YWHAG: variants seen among roughly 807,000 people sequenced by gnomAD.
YWHAG encodes the protein 14-3-3 protein gamma.
In YWHAG, 1 loss-of-function variant was observed where a neutral mutation model predicts 23.3. That is an observed-to-expected ratio of 0.04 (90% CI 0.02 to 0.20). The LOEUF is 0.20. YWHAG is among the 10% of genes least tolerant of loss of function. The pLI, the probability that YWHAG is intolerant of heterozygous loss-of-function variation, is 1.00. For missense variants in YWHAG, 151 were observed against 338.6 expected, an observed-to-expected ratio of 0.45 and a Z score of 4.35; for synonymous variants, 160 against 144.0, an observed-to-expected ratio of 1.11 and a Z score of -0.80.
At chr7:76,348,272 T>G (rs1005225965) in intron 1 of YWHAG, among the ~76,000 whole-genome samples, 8 of 151,506 alleles carry the variant, frequency 5.3e-5, no homozygotes, top group Non-Finnish European at 1.0e-4. Flanking sequence ...TTCGTTTTTT[T>G]TTTTTTTTTT....
intron 1 of YWHAG, among the ~76,000 whole-genome samples, chr7:76,357,904 A>T (rs1285152449): frequency 6.6e-6 from 1 of 152,208 alleles, no homozygotes; most frequent in Non-Finnish European, 1.5e-5. Flanking sequence ...GAAACGGCAT[A>T]TGTCACACGA....
chr7:76,358,873 GGCGCGACTGGAGC>G lies in YWHAG; in HGVS notation c.-78_-66del. The G allele has an allele frequency of 6.8e-7, 1 of 1,471,138 alleles. No homozygotes were observed. The highest frequency in any genetic ancestry group is 9.2e-7 in the Non-Finnish European group (1 of 1,090,258). 91.1% of individuals were successfully genotyped at this position (1,471,138 alleles called of 1,614,324 possible). A position where few individuals can be genotyped will look rare whatever the true frequency, so the allele number is the denominator to read the frequency against. ...CTGGGGCGGCCTGAAGGGCTTGGAG[GGCGCGACTGGAGC>G]CCAAGTGCCGGAGAGGACCGACCCA... is the stretch of plus-strand genomic sequence containing the variant. On this transcript the variant is annotated 5_prime_UTR_variant, in exon 1 of 2. Transcript: ENST00000307630.
chr7:76,330,803 G>C (rs1261015508), intron 1 of YWHAG, among the ~76,000 whole-genome samples: 2 of 152,182 alleles, frequency 1.3e-5, no homozygotes, highest in Non-Finnish European at 2.9e-5. Context: ...ATTTGTGGCA[G>C]TGGGAGTGTC....
intron 1 of YWHAG, 29 bp downstream of exon 1, chr7:76,358,693 A>T (rs920372405): frequency 1.3e-6 from 2 of 1,539,000 alleles, no homozygotes. Context: ...AGGGGCAGGG[A>T]GCGGCGGGGG....
Position 76,358,954 on chromosome 7 carries a change from T to A in YWHAG, c.-146A>T. The A allele has an allele frequency of 2.9e-6, 2 of 678,540 alleles. No individual in the cohort carries two copies. The highest frequency in any genetic ancestry group is 4.4e-6 in the Non-Finnish European group (2 of 456,370). 42.0% of individuals were successfully genotyped at this position (678,540 alleles called of 1,614,324 possible). On this transcript the variant is annotated 5_prime_UTR_variant, in exon 1 of 2. Coordinates refer to ENST00000307630, the MANE Select transcript of YWHAG (RefSeq NM_012479.4). Reference sequence around the variant, plus strand: ...GCGGCGGCTGCGCGGAGGAGGCGGCTGGAGCTGCGACCGCGGGACCGGGCG... The same window carrying A: ...GCGGCGGCTGCGCGGAGGAGGCGGCAGGAGCTGCGACCGCGGGACCGGGCG...
Position 76,329,984 on chromosome 7 carries a change from T to C in YWHAG, c.337A>G (p.Ser113Gly). Residue 113 changes from serine (S) to glycine (G), a missense_variant, in exon 2 of 2, where the codon AGC becomes GGC. Transcript: ENST00000307630. The surrounding 1 kb of genome is among the most constrained non-coding windows in gnomAD (Gnocchi z 6.1). ...LLDNYLIKNC[S>G]ETQYESKVFY... Reference sequence around the variant, plus strand: ...ACTTTGCTCTCGTACTGGGTCTCGCTGCAATTCTTGATCAGGTAGTTATCC... The same window carrying C: ...ACTTTGCTCTCGTACTGGGTCTCGCCGCAATTCTTGATCAGGTAGTTATCC... 1.2e-6 allele frequency: 2 copies of C among 1,614,162 alleles called. No homozygotes were observed. The highest frequency in any genetic ancestry group is 1.3e-5 in the African/African-American group (1 of 75,046).
At chr7:76,344,751 T>C (rs549788694) in intron 1 of YWHAG, among the ~76,000 whole-genome samples, 3 of 152,208 alleles carry the variant, frequency 2.0e-5, no homozygotes, top group African/African-American at 7.2e-5. Flanking sequence ...AACTCATCAA[T>C]TGGGACAACT....
chr7:76,350,155 A>AG (rs920062589), intron 1 of YWHAG, among the ~76,000 whole-genome samples: 1 of 152,052 alleles, frequency 6.6e-6, no homozygotes, highest in Non-Finnish European at 1.5e-5. Flanking sequence ...CATTAGTCAA[A>AG]GGGAAAAAAA....
chr7:76,353,112 T>C (rs1033083986), intron 1 of YWHAG, among the ~76,000 whole-genome samples: 4 of 152,234 alleles, frequency 2.6e-5, no homozygotes, highest in African/African-American at 9.6e-5. Context: ...CTCATGCACA[T>C]GGTCTTTTAA....
At position 76,345,578 on chromosome 7, in the gene YWHAG, G is replaced by A. The variant is rs529065077; in HGVS notation, c.87+13144C>T. Among the ~76,000 whole-genome samples, 3 of 152,086 alleles carry A rather than the reference G, an allele frequency of 2.0e-5. No individual in the cohort carries two copies. In the South Asian group the frequency reaches 6.2e-4, roughly 32 times the overall value. ...TCTTCCCCCTCCATGGATTCCCACT[G>A]GTCATTCTATTACATTCTTCTATTG... On this transcript the variant is annotated intron_variant, in intron 1 of 1. Coordinates refer to ENST00000307630, the MANE Select transcript of YWHAG (RefSeq NM_012479.4).
chr7:76,354,644 T>A (rs577949616), intron 1 of YWHAG, among the ~76,000 whole-genome samples: 1 of 152,322 alleles, frequency 6.6e-6, no homozygotes, highest in South Asian at 2.1e-4. Context: ...ATGTACTGAA[T>A]GTCTTGTGCT....
In YWHAG at chr7:76,355,683, A is replaced by G. The variant is rs145346205; in HGVS notation, c.87+3039T>C. 8.5e-5 allele frequency among the ~76,000 whole-genome samples: 13 copies of G among 152,282 alleles called. 1 individual carries two copies. The highest frequency in any genetic ancestry group is 5.2e-4 in the Admixed American group (8 of 15,294). Reference sequence around the variant, plus strand: ...TAAGATAGAAAGAATTTGAAAGTCTATTGATCCCACTAGGAATATTTAGAA... The same window carrying G: ...TAAGATAGAAAGAATTTGAAAGTCTGTTGATCCCACTAGGAATATTTAGAA... On this transcript the variant is annotated intron_variant, in intron 1 of 1. Coordinates refer to ENST00000307630, the MANE Select transcript of YWHAG (RefSeq NM_012479.4).
chr7:76,350,758 C>G (rs1349757522), intron 1 of YWHAG, among the ~76,000 whole-genome samples: 1 of 152,020 alleles, frequency 6.6e-6, no homozygotes, highest in African/African-American at 2.4e-5. Flanking sequence ...GCAGGAGAAT[C>G]GCTGGAACTC....
chr7:76,356,921 T>C (rs1006240777), intron 1 of YWHAG, among the ~76,000 whole-genome samples: 1 of 152,218 alleles, frequency 6.6e-6, no homozygotes, highest in Non-Finnish European at 1.5e-5. Flanking sequence ...TAAATGCCAT[T>C]TGCACACTCC....
At chr7:76,349,576 G>T (rs1354622677) in intron 1 of YWHAG, among the ~76,000 whole-genome samples, 2 of 152,150 alleles carry the variant, frequency 1.3e-5, no homozygotes, top group Non-Finnish European at 2.9e-5. Flanking sequence ...GAATCTACAT[G>T]CCACAGCTCC....
intron 1 of YWHAG, among the ~76,000 whole-genome samples, chr7:76,331,658 A>T (rs1452304739): frequency 6.6e-6 from 1 of 152,006 alleles, no homozygotes; most frequent in Non-Finnish European, 1.5e-5. Flanking sequence ...CCCCTGTACT[A>T]AACTCCTGGG....
chr7:76,330,480 C>T (rs1251649441), intron 1 of YWHAG, among the ~76,000 whole-genome samples: 2 of 152,172 alleles, frequency 1.3e-5, no homozygotes, highest in Non-Finnish European at 2.9e-5. Flanking sequence ...AGGCTTATCA[C>T]GTGTGTTCCA....
chr7:76,356,065 G>T (rs1434317498), intron 1 of YWHAG, among the ~76,000 whole-genome samples: 1 of 152,186 alleles, frequency 6.6e-6, no homozygotes, highest in East Asian at 1.9e-4. Flanking sequence ...AATAGTGTTA[G>T]CACTAGGATA....
rs773949985 is a variant in YWHAG at position 76,329,887 on chromosome 7, G to A, written c.434C>T (p.Thr145Met). 8 of 1,613,878 alleles carry A rather than the reference G, an allele frequency of 5.0e-6. No individual in the cohort carries two copies. Among genetic ancestry groups the A allele is most frequent in the South Asian group, 3.3e-5 (3 of 91,082 alleles). Reference protein sequence around the residue: ...AEVATGEKRATVVESSEKAYS... With the variant: ...AEVATGEKRAMVVESSEKAYS... ...GGCCTTCTCGGAGGACTCCACCACC[G>A]TCGCCCTTTTCTCTCCGGTGGCCAC... Residue 145 changes from threonine (T) to methionine (M), a missense_variant, in exon 2 of 2, where the codon ACG becomes ATG. Coordinates refer to ENST00000307630, the MANE Select transcript of YWHAG (RefSeq NM_012479.4). This position sits in a 1 kb window ranked among gnomAD's most constrained non-coding sequence, Gnocchi z 6.1.
Sources: gnomAD v4.1 joint callset for allele counts (sites outside exome capture counted in the v4.1 genomes callset) on GRCh38, gnomAD v4.1.1 for gene constraint, Gnocchi (gnomAD v3.1) non-coding constraint, MANE v1.5 for transcripts, NCBI Gene and HGNC (gene_info 2026-07-23, HGNC 2026-07-21) for gene names.